Variants in FSIP2 observed in about 807,000 individuals in gnomAD.
FSIP2 encodes the protein fibrous sheath-interacting protein 2.
Under a neutral mutation model 510.5 loss-of-function variants are expected in FSIP2, and 367 were observed. That is an observed-to-expected ratio of 0.72 (90% CI 0.66 to 0.78). The LOEUF is 0.78. FSIP2 is among the 30% of genes least tolerant of loss of function. FSIP2 has a pLI of 0.00. For missense variants in FSIP2, 7,594 were observed against 7,901.7 expected (o/e 0.96, Z 1.48); for synonymous variants, 2,601 against 2,732.2 (o/e 0.95, Z 1.50).
chr2:185,783,436 C>T (rs1344642099), intron 14 of FSIP2, among the ~76,000 whole-genome samples: 1 of 151,996 alleles, frequency 6.6e-6, no homozygotes, highest in Admixed American at 6.6e-5. Flanking sequence ...ATGAACAAGC[C>T]AAATGAAGTC....
intron 15 of FSIP2, 89 bp downstream of exon 15, chr2:185,786,377 T>C: frequency 1.2e-6 from 1 of 818,566 alleles, no homozygotes; most frequent in Non-Finnish European, 1.9e-6. Flanking sequence ...AACTAAGTAA[T>C]AGGAATCATC....
At chr2:185,750,638 G>T (rs1574154750) in intron 7 of FSIP2, among the ~76,000 whole-genome samples, 5 of 97,506 alleles carry the variant, frequency 5.1e-5, no homozygotes, top group Admixed American at 1.0e-4. Context: ...TTTCTGTTCT[G>T]ATCTTTTTGT....
chr2:185,810,733 G>A (rs1002632144), intron 17 of FSIP2, among the ~76,000 whole-genome samples: 7 of 151,142 alleles, frequency 4.6e-5, no homozygotes, highest in African/African-American at 1.5e-4. Flanking sequence ...CCTCTTTTTT[G>A]TGGACAGAGG....
chr2:185,826,530 C>T (rs1192604926), intron 20 of FSIP2, among the ~76,000 whole-genome samples: 1 of 151,796 alleles, frequency 6.6e-6, no homozygotes, highest in African/African-American at 2.4e-5. Context: ...ACTGGCCACA[C>T]TCTGAAGTTG....
chr2:185,794,047 A>T lies in FSIP2; in HGVS notation c.6911A>T (p.Gln2304Leu). 2 of 1,533,504 alleles carry T rather than the reference A, an allele frequency of 1.3e-6. No homozygotes were observed. The highest frequency in any genetic ancestry group is 1.7e-6 in the Non-Finnish European group (2 of 1,145,092). 95.0% of individuals were successfully genotyped at this position (1,533,504 alleles called of 1,614,324 possible). ...QNDSIFYDSSQVESDVNVLKI... is the reference protein window; with the variant it reads ...QNDSIFYDSSLVESDVNVLKI... ...GACAGCATCTTTTATGATTCAAGCC[A>T]AGTGGAATCAGATGTAAATGTCCTG... Residue 2304 changes from glutamine to leucine, a missense_variant, in exon 16 of 23, where the codon CAA becomes CTA. By Grantham distance (113) the Gln-to-Leu change is moderately radical (BLOSUM62 -2). Coordinates refer to ENST00000424728, the MANE Select transcript of FSIP2 (RefSeq NM_173651.4).
chr2:185,801,867 A>T lies in FSIP2; in HGVS notation c.12561A>T (p.Ser4187=). The T allele has an allele frequency of 1.3e-6, 2 of 1,486,870 alleles. No homozygotes were observed. Among genetic ancestry groups the T allele is most frequent in the Non-Finnish European group, 8.9e-7 (1 of 1,119,466 alleles). 92.1% of individuals were successfully genotyped at this position (1,486,870 alleles called of 1,614,324 possible). ...CTTGTATAATAAATAAGGTTATGTCAGCCATTTCAAAACATAAAATCTGGT... is the reference window on the plus strand; with the variant it reads ...CTTGTATAATAAATAAGGTTATGTCTGCCATTTCAAAACATAAAATCTGGT... ...MSTCIINKVM[S]AISKHKIWFT... The change falls in exon 17 of 23, where the codon TCA becomes TCT. Residue 4187 remains serine, a synonymous_variant. Coordinates refer to ENST00000424728, the MANE Select transcript of FSIP2 (RefSeq NM_173651.4).
intron 13 of FSIP2, among the ~76,000 whole-genome samples, chr2:185,773,870 TCTG>T (rs1455388423): frequency 1.3e-5 from 2 of 152,218 alleles, no homozygotes. Context: ...TTGAGTTTTG[TCTG>T]CTTTTAAAGA....
Position 185,800,995 on chromosome 2 carries a change from C to T in FSIP2, c.11689C>T (p.Gln3897Ter). The T allele has an allele frequency of 1.3e-6, 2 of 1,531,308 alleles. No individual in the cohort carries two copies. Among genetic ancestry groups the T allele is most frequent in the Non-Finnish European group, 1.7e-6 (2 of 1,143,736 alleles). 94.9% of individuals were successfully genotyped at this position (1,531,308 alleles called of 1,614,324 possible). ...AAAGTCAGAATTAATAGAATTAGGA[C>T]AGAGTAAAAGTTCTTTAGAACTCAG... ...ARKSELIELG[Q>*]SKSSLELRSY... is the part of the protein sequence containing the mutation. The change falls in exon 17 of 23, where the codon CAG (glutamine) becomes TAG (stop). Residue 3897 changes from glutamine (Q) to a stop codon, truncating the protein, a stop_gained. Transcript: ENST00000424728. LOFTEE classifies it high-confidence loss of function.
chr2:185,791,260 G>A lies in FSIP2; in HGVS notation c.4124G>A (p.Ser1375Asn). 1 of 1,533,944 alleles carries A rather than the reference G, an allele frequency of 6.5e-7. No homozygotes were observed. Among genetic ancestry groups the A allele is most frequent in the Non-Finnish European group, 8.7e-7 (1 of 1,145,438 alleles). The change falls in exon 16 of 23, where the codon AGC (serine) becomes AAC (asparagine). Residue 1375 changes from serine (S) to asparagine (N), a missense_variant. Physicochemically the swap from Ser to Asn is conservative, Grantham distance 46. Coordinates refer to ENST00000424728, the MANE Select transcript of FSIP2 (RefSeq NM_173651.4). ...LLSSENAHQR[S>N]ISLSSRKPKS... ...TCAAGTGAAAATGCACATCAAAGAA[G>A]CATTTCACTCTCTTCTCGTAAGCCA...
At chr2:185,817,696 A>C (rs1239593410) in intron 19 of FSIP2, among the ~76,000 whole-genome samples, 1 of 152,010 alleles carries the variant, frequency 6.6e-6, no homozygotes, top group Non-Finnish European at 1.5e-5. Flanking sequence ...GCATACAAAA[A>C]ATGGGGAAAA....
intron 9 of FSIP2, among the ~76,000 whole-genome samples, chr2:185,756,728 A>G (rs2105549653): frequency 6.6e-6 from 1 of 151,416 alleles, no homozygotes; most frequent in African/African-American, 2.4e-5. Context: ...AGCTCATTGA[A>G]AGATTATAAG....
intron 13 of FSIP2, among the ~76,000 whole-genome samples, chr2:185,775,641 A>G (rs1692700944): frequency 6.6e-6 from 1 of 151,932 alleles, no homozygotes; most frequent in Admixed American, 6.6e-5. Context: ...ATCTTCCAAA[A>G]TTGTGGGTTT....
chr2:185,793,546 G>T lies in FSIP2; in HGVS notation c.6410G>T (p.Gly2137Val). The change falls in exon 16 of 23, where the codon GGT becomes GTT. Residue 2137 changes from glycine (G) to valine (V), a missense_variant. Physicochemically the swap from Gly to Val is moderately radical, Grantham distance 109. Transcript: ENST00000424728. ...SEENSEMFMEGANKIIPKLSV... is the reference protein window; with the variant it reads ...SEENSEMFMEVANKIIPKLSV... ...GAAAATTCTGAAATGTTCATGGAGGGTGCAAATAAGATTATTCCTAAGCTT... is the reference window on the plus strand; with the variant it reads ...GAAAATTCTGAAATGTTCATGGAGGTTGCAAATAAGATTATTCCTAAGCTT... 1 of 1,534,156 alleles carries T rather than the reference G, an allele frequency of 6.5e-7. No homozygotes were observed. Among genetic ancestry groups the T allele is most frequent in the Non-Finnish European group, 8.7e-7 (1 of 1,145,594 alleles).
rs1463308981 is a variant in FSIP2 at position 185,800,869 on chromosome 2, T to C, written c.11563T>C (p.Leu3855=). The C allele has an allele frequency of 1.4e-5, 22 of 1,534,266 alleles. No homozygotes were observed. In the South Asian group the frequency reaches 2.0e-4, roughly 14 times the overall value. ...HSLVKSLMDK[L]SHSIQQAPES... ...CTTGGTTAAATCATTGATGGACAAA[T>C]TATCTCACAGCATACAACAAGCTCC... The change falls in exon 17 of 23, where the codon TTA becomes CTA. Residue 3855 remains leucine, a synonymous_variant. Transcript: ENST00000424728.
chr2:185,826,432 T>G (rs1250363622), intron 20 of FSIP2, among the ~76,000 whole-genome samples: 1 of 151,804 alleles, frequency 6.6e-6, no homozygotes, highest in Non-Finnish European at 1.5e-5. Context: ...GATTTGCTGA[T>G]CCTCCTGTAC....
At position 185,805,511 on chromosome 2, in the gene FSIP2, G is replaced by T. The variant is rs761346734; in HGVS notation, c.16205G>T (p.Trp5402Leu). The T allele has an allele frequency of 6.2e-7, 1 of 1,611,454 alleles. No individual in the cohort carries two copies. Among genetic ancestry groups the T allele is most frequent in the South Asian group, 1.1e-5 (1 of 90,972 alleles). Reference sequence around the variant, plus strand: ...ATTCAACCACTTTTTTCAGGAGACTGGTCTTCCACCTTCTTTTCATTTCTA... The same window carrying T: ...ATTCAACCACTTTTTTCAGGAGACTTGTCTTCCACCTTCTTTTCATTTCTA... ...FRIQPLFSGDWSSTFFSFLNP... is the reference protein window; with the variant it reads ...FRIQPLFSGDLSSTFFSFLNP... Residue 5402 changes from tryptophan (W) to leucine (L), a missense_variant, in exon 17 of 23, where the codon TGG becomes TTG. Physicochemically the swap from Trp to Leu is moderately conservative, Grantham distance 61 (BLOSUM62 -2). Coordinates refer to ENST00000424728, the MANE Select transcript of FSIP2 (RefSeq NM_173651.4).
rs1439716452 is a variant in FSIP2, at chr2:185,789,115, C to A, written c.1979C>A (p.Ser660Tyr). The change falls in exon 16 of 23, where the codon TCT becomes TAT. Residue 660 changes from serine (S) to tyrosine (Y), a missense_variant. Coordinates refer to ENST00000424728, the MANE Select transcript of FSIP2 (RefSeq NM_173651.4). Reference sequence around the variant, plus strand: ...TCATTTGAAACAGGCACAAAAAAATCTAAGGATGCTACCACTGAAACAGAT... The same window carrying A: ...TCATTTGAAACAGGCACAAAAAAATATAAGGATGCTACCACTGAAACAGAT... ...LASFETGTKKSKDATTETDSL... is the reference protein window; with the variant it reads ...LASFETGTKKYKDATTETDSL... 6.5e-7 allele frequency: 1 copy of A among 1,535,050 alleles called. No individual in the cohort carries two copies. The highest frequency in any genetic ancestry group is 2.4e-5 in the East Asian group (1 of 40,860).
intron 19 of FSIP2, among the ~76,000 whole-genome samples, chr2:185,821,301 C>T (rs1378410902): frequency 6.6e-6 from 1 of 151,742 alleles, no homozygotes; most frequent in African/African-American, 2.4e-5. Flanking sequence ...GAACCAATAA[C>T]TGAAAAACCT....
At chr2:185,761,795 T>G (rs1233228350) in intron 10 of FSIP2, among the ~76,000 whole-genome samples, 177 bp from the exon 11 acceptor site, 2 of 151,314 alleles carry the variant, frequency 1.3e-5, no homozygotes, top group Non-Finnish European at 3.0e-5. Flanking sequence ...AACTTGAGAT[T>G]ATATGAAAGG....
Sources: gnomAD v4.1 joint callset for allele counts (sites outside exome capture counted in the v4.1 genomes callset) on GRCh38, gnomAD v4.1.1 for gene constraint, MANE v1.5 for transcripts, NCBI Gene and HGNC (gene_info 2026-07-23, HGNC 2026-07-21) for gene names.